KRT8: variants seen among roughly 807,000 people sequenced by gnomAD.
KRT8 encodes the protein keratin 8, also known as keratin, type II cytoskeletal 8.
In KRT8, 24 loss-of-function variants were observed where a neutral mutation model predicts 43.0. That is an observed-to-expected ratio of 0.56 (90% CI 0.40 to 0.78). The LOEUF is 0.78. Among genes scored for constraint, KRT8 ranks in the 30% least tolerant of loss-of-function variants. The pLI is 0.00. For synonymous variants in KRT8, 214 were observed against 261.2 expected (o/e 0.82, Z 1.74); for missense variants, 492 against 638.4 (o/e 0.77, Z 2.47).
At chr12:52,900,621 G>A (rs766149578) in exon 4 of KRT8, 42 of 1,612,722 alleles carry the variant, frequency 2.6e-5, no homozygotes, top group Non-Finnish European at 3.0e-5. Context: ...AGTTGATCTC[G>A]TCGGTCAGCC....
At chr12:52,938,170 A>ATATATATATTT (rs1555189967) in intron 2 of KRT8, among the ~76,000 whole-genome samples, 4 of 30,308 alleles carry the variant, frequency 1.3e-4, no homozygotes, top group East Asian at 1.1e-3. Flanking sequence ...ATATATATAT[A>ATATATATATTT]TTTTTTTTTT....
chr12:52,912,282 T>C (rs778345501), intron 2 of KRT8, among the ~76,000 whole-genome samples: 1 of 152,200 alleles, frequency 6.6e-6, no homozygotes, highest in Admixed American at 6.5e-5. Flanking sequence ...TACTGCAGCG[T>C]TGCTTGAAAT....
chr12:52,943,307 C>T (rs1002775276), intron 2 of KRT8, among the ~76,000 whole-genome samples: 1 of 152,196 alleles, frequency 6.6e-6, no homozygotes, highest in African/African-American at 2.4e-5. Context: ...CATCGCTCTA[C>T]TGAAAGTGCT....
chr12:52,902,136 G>T lies in KRT8; in HGVS notation c.325-64C>A. The T allele has an allele frequency of 1.0e-5, 10 of 985,626 alleles. No homozygotes were observed. In the South Asian group the frequency reaches 1.3e-4, roughly 13 times the overall value. 61.1% of individuals were successfully genotyped at this position (985,626 alleles called of 1,614,324 possible). A position where few individuals can be genotyped will look rare whatever the true frequency, so the allele number is the denominator to read the frequency against. ...GCCAGGGCTCAAAGTCTGGAGGAAA[G>T]CAAGCAGTCTTTTCTCTTAATTCAC... On this transcript the variant is annotated intron_variant, in intron 1 of 7. Coordinates refer to ENST00000692008, the Ensembl canonical transcript of KRT8.
intron 2 of KRT8, among the ~76,000 whole-genome samples, chr12:52,923,174 G>A (rs1941922097): frequency 6.6e-6 from 1 of 152,110 alleles, no homozygotes; most frequent in African/African-American, 2.4e-5. Flanking sequence ...GCGTTCTAAG[G>A]TTTATGATGA....
At chr12:52,907,685 C>T (rs570443014), upstream of KRT8, among the ~76,000 whole-genome samples, 1 of 152,324 alleles carries the variant, frequency 6.6e-6, no homozygotes, top group Admixed American at 6.5e-5. Flanking sequence ...CGTCTAGGGC[C>T]AGAAGTGTTT....
intron 2 of KRT8, among the ~76,000 whole-genome samples, chr12:52,916,469 G>T (rs1941742991): frequency 6.6e-6 from 1 of 152,182 alleles, no homozygotes; most frequent in Admixed American, 6.5e-5. Flanking sequence ...CCATGCACTT[G>T]CCATGAGCCA....
At chr12:52,945,552 C>A (rs1942330554) in intron 2 of KRT8, among the ~76,000 whole-genome samples, 1 of 152,214 alleles carries the variant, frequency 6.6e-6, no homozygotes, top group Admixed American at 6.5e-5. Context: ...CATCTCTCCA[C>A]CACCTAGTTT....
intron 2 of KRT8, among the ~76,000 whole-genome samples, chr12:52,918,191 A>AAGAAGAAGAAGAAGG (rs879808922): frequency 8.2e-6 from 1 of 121,946 alleles, no homozygotes; most frequent in South Asian, 3.1e-4. Context: ...GAAGAAGAAG[A>AAGAAGAAGAAGAAGG]AGAAGAAGAA....
At chr12:52,908,185 TATC>T (rs1941562266), upstream of KRT8, among the ~76,000 whole-genome samples, 1 of 152,114 alleles carries the variant, frequency 6.6e-6, no homozygotes, top group African/African-American at 2.4e-5. Flanking sequence ...AGGTAGCTGT[TATC>T]ATCACTCATG....
chr12:52,922,172 A>T (rs1941899203), intron 2 of KRT8, among the ~76,000 whole-genome samples: 1 of 118,862 alleles, frequency 8.4e-6, no homozygotes. Flanking sequence ...TGACAGAGTG[A>T]GACCCTGTCT....
intron 7 of KRT8, 49 bp from the exon 8 acceptor site, chr12:52,897,667 G>A: frequency 1.3e-6 from 2 of 1,597,246 alleles, no homozygotes; most frequent in Admixed American, 3.3e-5. Context: ...CCACCCCATG[G>A]CAGGCTCCAT....
intron 2 of KRT8, among the ~76,000 whole-genome samples, chr12:52,922,175 C>A (rs1220008047): frequency 9.6e-6 from 1 of 104,408 alleles, no homozygotes; most frequent in Non-Finnish European, 1.8e-5. Context: ...CAGAGTGAGA[C>A]CCTGTCTCTA....
chr12:52,930,513 G>A (rs1323231185), intron 2 of KRT8, among the ~76,000 whole-genome samples: 4 of 142,134 alleles, frequency 2.8e-5, no homozygotes, highest in Non-Finnish European at 4.6e-5. Context: ...GAGCCACCAC[G>A]CCCGGCCCCC....
chr12:52,907,458 T>C (rs1941544955), upstream of KRT8, among the ~76,000 whole-genome samples: 1 of 152,136 alleles, frequency 6.6e-6, no homozygotes, highest in Non-Finnish European at 1.5e-5. Context: ...GGTCCTGATC[T>C]AGGCAGCACA....
intron 2 of KRT8, chr12:52,926,332 G>GGCCCCCCCCCCCCC: frequency 8.3e-6 from 5 of 600,246 alleles, no homozygotes; most frequent in African/African-American, 1.9e-5. Flanking sequence ...GGCACTAGCT[G>GGCCCCCCCCCCCCC]CCCTCCCCAC....
chr12:52,915,714 C>CA (rs369937541), intron 2 of KRT8, among the ~76,000 whole-genome samples: 26 of 140,758 alleles, frequency 1.8e-4, no homozygotes, highest in African/African-American at 3.4e-4. Flanking sequence ...GACTCCGTCT[C>CA]AAAAAAAAAA....
upstream of KRT8, chr12:52,905,122 G>T: frequency 7.0e-7 from 1 of 1,436,870 alleles, no homozygotes; most frequent in Non-Finnish European, 9.1e-7. Flanking sequence ...GGGGGGGAAA[G>T]GCCTCGTACC....
At chr12:52,945,853 A>T (rs1324221094) in intron 2 of KRT8, among the ~76,000 whole-genome samples, 1 of 151,720 alleles carries the variant, frequency 6.6e-6, no homozygotes, top group Non-Finnish European at 1.5e-5. Context: ...CCTCACAATC[A>T]CGCCATCCCC....
Sources: gnomAD v4.1 joint callset for allele counts (sites outside exome capture counted in the v4.1 genomes callset) on GRCh38, gnomAD v4.1.1 for gene constraint, MANE v1.5 for transcripts, NCBI Gene and HGNC (gene_info 2026-07-23, HGNC 2026-07-21) for gene names.